The following ECM2 variants were observed in gnomAD, a reference collection of about 807,000 sequenced individuals.
The protein encoded by ECM2 is extracellular matrix protein 2.
In ECM2, 57 loss-of-function variants were observed where a neutral mutation model predicts 67.5. That is an observed-to-expected ratio of 0.84 (90% confidence interval 0.68 to 1.05). ECM2 has a LOEUF of 1.05. Ranked by LOEUF, ECM2 falls within the 50% of genes least tolerant of loss-of-function variation. ECM2 has a pLI of 0.00. For synonymous variants in ECM2, 258 were observed against 294.5 expected, an observed-to-expected ratio of 0.88 and a Z score of 1.27; for missense variants, 741 against 822.8, an observed-to-expected ratio of 0.90 and a Z score of 1.22.
upstream of ECM2, among the ~76,000 whole-genome samples, chr9:92,541,165 A>G (rs1222225944): frequency 6.6e-6 from 1 of 151,974 alleles, no homozygotes; most frequent in Non-Finnish European, 1.5e-5. Flanking sequence ...AGGCTGAGGC[A>G]GGACAATCAC....
intron 1 of ECM2, among the ~76,000 whole-genome samples, chr9:92,525,804 C>T (rs1003904964): frequency 4.0e-5 from 6 of 150,088 alleles, no homozygotes; most frequent in African/African-American, 1.5e-4. Context: ...ACAGAAGAAT[C>T]GCTTAAACCC....
At chr9:92,515,244 T>C (rs1348083412) in intron 3 of ECM2, 41 bp from the exon 4 acceptor site, 5 of 1,439,870 alleles carry the variant, frequency 3.5e-6, no homozygotes, top group Non-Finnish European at 4.6e-6. Context: ...GATAAGTTGA[T>C]GATATTAATA....
intron 2 of ECM2, among the ~76,000 whole-genome samples, chr9:92,519,509 A>G (rs931375523): frequency 6.6e-6 from 1 of 152,212 alleles, no homozygotes; most frequent in Admixed American, 6.5e-5. Context: ...TCAGACATAC[A>G]TTTATGAACA....
At chr9:92,506,281 T>G (rs1166559248) in intron 6 of ECM2, among the ~76,000 whole-genome samples, 1 of 152,224 alleles carries the variant, frequency 6.6e-6, no homozygotes, top group Non-Finnish European at 1.5e-5. Flanking sequence ...AGTTACTCAC[T>G]TGTTGGCACA....
At chr9:92,552,463 A>G in the ECM2 span, among the ~76,000 whole-genome samples, 1 of 152,150 alleles carries the variant, frequency 6.6e-6, no homozygotes, top group Non-Finnish European at 1.5e-5. Flanking sequence ...TCCCACCAGC[A>G]GTGTAGAAGT....
At chr9:92,524,022 G>T (rs1848238022) in intron 1 of ECM2, among the ~76,000 whole-genome samples, 1 of 152,184 alleles carries the variant, frequency 6.6e-6, no homozygotes, top group African/African-American at 2.4e-5. Context: ...AAAGGTGGTG[G>T]ATCAGACATG....
At chr9:92,517,121 G>C (rs1296504781) in intron 3 of ECM2, 1 of 156,422 alleles carries the variant, frequency 6.4e-6, no homozygotes, top group African/African-American at 2.4e-5. Flanking sequence ...GTGATCTCCT[G>C]CACACAGAAG....
At chr9:92,521,645 G>A (rs770168865) in intron 2 of ECM2, among the ~76,000 whole-genome samples, 9 of 152,102 alleles carry the variant, frequency 5.9e-5, no homozygotes, top group Non-Finnish European at 1.0e-4. Flanking sequence ...TTGGAAAAAT[G>A]TAAACCATTT....
At chr9:92,519,490 C>G (rs898412434) in intron 2 of ECM2, among the ~76,000 whole-genome samples, 2 of 152,166 alleles carry the variant, frequency 1.3e-5, no homozygotes, top group African/African-American at 4.8e-5. Context: ...GCCAATGGAA[C>G]ACTGAAAGTC....
At chr9:92,534,731 T>G (rs755739275) in intron 1 of ECM2, among the ~76,000 whole-genome samples, 1 of 152,140 alleles carries the variant, frequency 6.6e-6, no homozygotes, top group Non-Finnish European at 1.5e-5. Context: ...GAAAGCAATA[T>G]GAAAACCTGA....
rs564853260 is a variant in ECM2 at position 92,533,438 on chromosome 9, G to C, written c.-28+2495C>G. The stretch of plus-strand genomic sequence containing the variant: ...TTTGTTTGTTTGTTTGTTTCTCTCT[G>C]TCCTCCTGAGGCTGTTTTAAAACTC... On this transcript the variant is annotated intron_variant, in intron 1 of 9. Transcript: ENST00000344604. 1.0e-3 allele frequency among the ~76,000 whole-genome samples: 144 copies of C among 139,958 alleles called. 1 individual carries two copies. The highest frequency in any genetic ancestry group is 3.5e-3 in the African/African-American group (131 of 36,978). The allele number at this position is 139,958 out of a possible 152,430, so 91.8% of individuals were successfully genotyped here.
At chr9:92,542,483 AT>A in the ECM2 span, among the ~76,000 whole-genome samples, 2 of 147,064 alleles carry the variant, frequency 1.4e-5, no homozygotes, top group African/African-American at 5.1e-5. Context: ...ATCATGGAGC[AT>A]TTCCCCTATG....
chr9:92,514,854 C>CTCCTCCTCA lies in ECM2; in HGVS notation c.822_830dup (p.Asp274_Glu276dup), dbSNP rs752754174. 5.0e-6 allele frequency: 8 copies of CTCCTCCTCA among 1,612,534 alleles called. No individual in the cohort carries two copies. Among genetic ancestry groups the CTCCTCCTCA allele is most frequent in the South Asian group, 1.1e-5 (1 of 90,762 alleles). On this transcript the variant is annotated inframe_insertion, in exon 4 of 10. Coordinates refer to ENST00000344604, the MANE Select transcript of ECM2 (RefSeq NM_001393.4). ...CATCCTCCTCACCCTCCTCACCCTC[C>CTCCTCCTCA]TCCTCCTCATCCTCCTCCTCCTCCC... is the stretch of plus-strand genomic sequence containing the variant.
In ECM2 at chr9:92,522,592, C is replaced by G; in HGVS notation, c.275G>C (p.Ser92Thr). The G allele has an allele frequency of 6.2e-7, 1 of 1,612,568 alleles. No homozygotes were observed. Among genetic ancestry groups the G allele is most frequent in the Non-Finnish European group, 8.5e-7 (1 of 1,179,224 alleles). ...SFSSFPGVESSYNVLPGKKGH... is the reference protein window; with the variant it reads ...SFSSFPGVESTYNVLPGKKGH... ...TCTCTTACCTGGTAACACATTATAA[C>G]TTGATTCTACTCCAGGAAAACTTGA... Residue 92 changes from serine (S) to threonine (T), a missense_variant, in exon 2 of 10, where the codon AGT (serine) becomes ACT (threonine). Transcript: ENST00000344604.
At chr9:92,497,804 T>C (rs1204247569) in intron 9 of ECM2, among the ~76,000 whole-genome samples, 3 of 150,930 alleles carry the variant, frequency 2.0e-5, no homozygotes, top group South Asian at 4.2e-4. Flanking sequence ...ATGAATAGAT[T>C]GATATCCTCT....
At chr9:92,548,847 C>T in the ECM2 span, among the ~76,000 whole-genome samples, 1 of 152,084 alleles carries the variant, frequency 6.6e-6, no homozygotes, top group African/African-American at 2.4e-5. Flanking sequence ...AAAATCCTAG[C>T]AGTTCACTTT....
intron 2 of ECM2, among the ~76,000 whole-genome samples, chr9:92,519,674 A>G (rs1468897616): frequency 6.6e-6 from 1 of 152,174 alleles, no homozygotes; most frequent in Non-Finnish European, 1.5e-5. Context: ...GACCTAATAT[A>G]TCTTATATTT....
At chr9:92,502,895 C>T (rs1334818360) in intron 7 of ECM2, among the ~76,000 whole-genome samples, 1 of 148,744 alleles carries the variant, frequency 6.7e-6, no homozygotes, top group Non-Finnish European at 1.5e-5. Context: ...GCAGCCTTGA[C>T]CTCCCAGGCT....
intron 1 of ECM2, among the ~76,000 whole-genome samples, chr9:92,532,073 C>T (rs1433513943): frequency 4.1e-5 from 5 of 121,216 alleles, no homozygotes; most frequent in African/African-American, 1.8e-4. Context: ...GTTGCCTGGG[C>T]TGGCCTTGAA....
Sources: gnomAD v4.1 joint callset for allele counts (sites outside exome capture counted in the v4.1 genomes callset) on GRCh38, gnomAD v4.1.1 for gene constraint, MANE v1.5 for transcripts, NCBI Gene and HGNC (gene_info 2026-07-23, HGNC 2026-07-21) for gene names.